The following CREB5 variants were observed in gnomAD, a reference collection of about 807,000 sequenced individuals.
The protein encoded by CREB5 is cyclic AMP-responsive element-binding protein 5.
In CREB5, 19 loss-of-function variants were observed where a neutral mutation model predicts 57.1. That is an observed-to-expected ratio of 0.33 (90% confidence interval 0.23 to 0.49). CREB5 has a LOEUF of 0.49. Ranked by LOEUF, CREB5 falls within the 20% of genes least tolerant of loss-of-function variation. CREB5 has a pLI of 0.99. For missense variants in CREB5, 579 were observed against 671.6 expected (o/e 0.86, Z 1.52); for synonymous variants, 238 against 238.3 (o/e 1.00, Z 0.01).
chr7:28,559,061 G>A (rs1319292537), intron 4 of CREB5, among the ~76,000 whole-genome samples: 1 of 152,154 alleles, frequency 6.6e-6, no homozygotes, highest in Non-Finnish European at 1.5e-5. Context: ...AGGTGTGAGA[G>A]CTTGGCAAGG....
intron 9 of CREB5, among the ~76,000 whole-genome samples, chr7:28,816,583 T>A (rs201503091): frequency 5.1e-4 from 77 of 151,778 alleles, no homozygotes; most frequent in African/African-American, 1.8e-3. Flanking sequence ...TATTTTATTA[T>A]TTTTGTTATT....
chr7:28,770,141 A>G (rs1299933343), intron 7 of CREB5, among the ~76,000 whole-genome samples: 1 of 152,206 alleles, frequency 6.6e-6, no homozygotes, highest in African/African-American at 2.4e-5. Context: ...GAGTTATGAA[A>G]AAGTGAGCCA....
intron 4 of CREB5, among the ~76,000 whole-genome samples, chr7:28,529,126 C>G (rs1412048611): frequency 6.6e-6 from 1 of 152,190 alleles, no homozygotes; most frequent in African/African-American, 2.4e-5. Context: ...TGACCTGGAG[C>G]ACAACTGGTG....
At chr7:28,527,372 T>A (rs958343745) in intron 4 of CREB5, among the ~76,000 whole-genome samples, 3 of 152,220 alleles carry the variant, frequency 2.0e-5, no homozygotes, top group Non-Finnish European at 4.4e-5. Context: ...CTTGCTGCAT[T>A]GGAATTACCA....
At chr7:28,427,497 G>A (rs1227368015) in intron 1 of CREB5, among the ~76,000 whole-genome samples, 1 of 152,118 alleles carries the variant, frequency 6.6e-6, no homozygotes, top group Non-Finnish European at 1.5e-5. Flanking sequence ...CCCTTAGGCT[G>A]GTTGAAAAAT....
chr7:28,410,554 C>T (rs1026888739), upstream of CREB5: 8 of 456,536 alleles, frequency 1.8e-5, no homozygotes, highest in African/African-American at 1.4e-4. Context: ...AGATAAAGCC[C>T]TAGACCTTGT....
intron 4 of CREB5, among the ~76,000 whole-genome samples, chr7:28,512,727 T>G (rs1323719326): frequency 6.6e-6 from 1 of 152,028 alleles, no homozygotes; most frequent in Non-Finnish European, 1.5e-5. Context: ...AACTCCTTTG[T>G]CCTGCTAAGA....
At chr7:28,448,742 GGGTTTTCA>G (rs1290863864) in intron 1 of CREB5, among the ~76,000 whole-genome samples, 12 of 152,238 alleles carry the variant, frequency 7.9e-5, no homozygotes, top group Non-Finnish European at 1.8e-4. Context: ...CGAGCTAGCT[GGGTTTTCA>G]GGTTTTCAGT....
chr7:28,561,943 G>A (rs1377035328), intron 4 of CREB5, among the ~76,000 whole-genome samples: 1 of 152,084 alleles, frequency 6.6e-6, no homozygotes, highest in Non-Finnish European at 1.5e-5. Context: ...ATGGGTTTTC[G>A]CCATGTTGGC....
chr7:28,609,583 A>C (rs1332668434), intron 5 of CREB5, among the ~76,000 whole-genome samples: 1 of 151,982 alleles, frequency 6.6e-6, no homozygotes, highest in Admixed American at 6.6e-5. Flanking sequence ...GTATGAAAAA[A>C]TTTTCTTTTT....
chr7:28,333,717 G>T (rs1785758641), intron 1 of CREB5, among the ~76,000 whole-genome samples: 1 of 152,144 alleles, frequency 6.6e-6, no homozygotes, highest in African/African-American at 2.4e-5. Flanking sequence ...TGTTGCAAAT[G>T]GTAGGATCTC....
chr7:28,372,062 A>G (rs1202978597), intron 1 of CREB5, among the ~76,000 whole-genome samples: 2 of 152,142 alleles, frequency 1.3e-5, no homozygotes, highest in African/African-American at 4.8e-5. Context: ...GAAAATAAAG[A>G]TGCTGTTAGC....
At chr7:28,489,222 G>A (rs1246974033) in intron 2 of CREB5, among the ~76,000 whole-genome samples, 1 of 151,730 alleles carries the variant, frequency 6.6e-6, no homozygotes, top group Non-Finnish European at 1.5e-5. Context: ...ATGTGGTGGG[G>A]TTGGCAGTAG....
At chr7:28,635,138 A>G (rs960223436) in intron 5 of CREB5, among the ~76,000 whole-genome samples, 3 of 152,194 alleles carry the variant, frequency 2.0e-5, no homozygotes, top group Non-Finnish European at 2.9e-5. Flanking sequence ...CTAGGAGGCC[A>G]AAGGCTTCAC....
intron 7 of CREB5, among the ~76,000 whole-genome samples, chr7:28,779,919 T>G (rs951578340): frequency 1.3e-5 from 2 of 152,182 alleles, no homozygotes; most frequent in Non-Finnish European, 2.9e-5. Context: ...AGCTGTGGTG[T>G]GTACACTTTT....
At chr7:28,659,745 A>T (rs1361548552) in intron 5 of CREB5, among the ~76,000 whole-genome samples, 1 of 152,212 alleles carries the variant, frequency 6.6e-6, no homozygotes, top group African/African-American at 2.4e-5. Context: ...CAAAAATTAA[A>T]TACAAATACA....
intron 4 of CREB5, among the ~76,000 whole-genome samples, chr7:28,545,279 C>T (rs2128630582): frequency 6.6e-6 from 1 of 152,354 alleles, no homozygotes; most frequent in Middle Eastern, 3.4e-3. Context: ...CCTTTCTACT[C>T]TTTCCCCTAC....
At chr7:28,697,409 T>TA (rs1473068227) in intron 5 of CREB5, among the ~76,000 whole-genome samples, 4 of 152,094 alleles carry the variant, frequency 2.6e-5, no homozygotes, top group African/African-American at 9.7e-5. Flanking sequence ...AAACTGAGGG[T>TA]ACCCTCAGAC....
intron 4 of CREB5, among the ~76,000 whole-genome samples, chr7:28,549,331 T>A (rs1219576550): frequency 6.6e-6 from 1 of 152,210 alleles, no homozygotes; most frequent in Non-Finnish European, 1.5e-5. Flanking sequence ...TTCTGTGGCA[T>A]CCCTGTGAGT....
Sources: gnomAD v4.1 joint callset for allele counts (sites outside exome capture counted in the v4.1 genomes callset) on GRCh38, gnomAD v4.1.1 for gene constraint, MANE v1.5 for transcripts, NCBI Gene and HGNC (gene_info 2026-07-23, HGNC 2026-07-21) for gene names.